The following BCR variants were observed in gnomAD, a reference collection of about 807,000 sequenced individuals.
BCR encodes BCR activator of RhoGEF and GTPase, also known as breakpoint cluster region protein.
Under a neutral mutation model 138.6 loss-of-function variants are expected in BCR, and 58 were observed. The ratio of observed to expected loss-of-function variants is 0.42; its 90% CI spans 0.34 to 0.52. The LOEUF (loss-of-function observed/expected upper bound fraction) is 0.52, where lower values mean the gene tolerates loss of function less well. Ranked by LOEUF, BCR falls within the 20% of genes least tolerant of loss-of-function variation. The pLI is 0.06. For missense variants in BCR, 1,599 were observed against 1,727.2 expected, an observed-to-expected ratio of 0.93 and a Z score of 1.32; for synonymous variants, 786 against 730.1, an observed-to-expected ratio of 1.08 and a Z score of -1.23.
In BCR at chr22:23,264,330, C is replaced by G. The variant is rs891921791; in HGVS notation, c.1752+2790C>G. The G allele has an allele frequency of 4.1e-6, 4 of 985,230 alleles. No individual in the cohort carries two copies. The African/African-American group carries it at 6.3e-5, about 16-fold the overall frequency. 61.0% of individuals were successfully genotyped at this position (985,230 alleles called of 1,614,324 possible). ...TCTCTATGCTGCGCTGTCTTACAACCTCCACGTCCTGGATATTCAAAACCC... is the reference window on the plus strand; with the variant it reads ...TCTCTATGCTGCGCTGTCTTACAACGTCCACGTCCTGGATATTCAAAACCC... On this transcript the variant is annotated intron_variant, in intron 4 of 22. Coordinates refer to ENST00000305877, the MANE Select transcript of BCR (RefSeq NM_004327.4).
intron 1 of BCR, among the ~76,000 whole-genome samples, chr22:23,241,700 G>A (rs546555239): frequency 6.6e-6 from 1 of 152,156 alleles, no homozygotes; most frequent in Non-Finnish European, 1.5e-5. Flanking sequence ...GGCTCACTGT[G>A]CGTCAGTGCC....
At position 23,253,793 on chromosome 22, in the gene BCR, A is replaced by G. The variant is rs1602067107; in HGVS notation, c.1280-6A>G. On this transcript the variant is annotated splice_region_variant and splice_polypyrimidine_tract_variant and intron_variant, in intron 1 of 22. Coordinates refer to ENST00000305877, the MANE Select transcript of BCR (RefSeq NM_004327.4). ...TCTAACACAGGATGCTTCTTTGCAC[A>G]CACAGATGGCTCGTTCGGAACACCA... 1 of 1,608,136 alleles carries G rather than the reference A, an allele frequency of 6.2e-7. No individual in the cohort carries two copies. Among genetic ancestry groups the G allele is most frequent in the East Asian group, 2.2e-5 (1 of 44,734 alleles).
At chr22:23,256,682 C>G (rs1318937449) in intron 2 of BCR, among the ~76,000 whole-genome samples, 2 of 152,166 alleles carry the variant, frequency 1.3e-5, no homozygotes, top group Admixed American at 1.3e-4. Flanking sequence ...CTGGGCTCCC[C>G]CAGATTAGGG....
At chr22:23,233,229 G>A (rs562276204) in intron 1 of BCR, among the ~76,000 whole-genome samples, 40 of 152,328 alleles carry the variant, frequency 2.6e-4, no homozygotes, top group Non-Finnish European at 4.0e-4. Flanking sequence ...CTCGGTTCTT[G>A]GAGCGAGCTT....
intron 9 of BCR, 152 bp from the exon 10 acceptor site, chr22:23,284,881 C>A: frequency 1.2e-6 from 1 of 805,930 alleles, no homozygotes; most frequent in Non-Finnish European, 1.9e-6. Flanking sequence ...CCAGTGGCCT[C>A]ATCCCAGTCT....
At chr22:23,218,971 G>C (rs1250641901) in intron 1 of BCR, among the ~76,000 whole-genome samples, 1 of 152,190 alleles carries the variant, frequency 6.6e-6, no homozygotes, top group African/African-American at 2.4e-5. Flanking sequence ...CGGCCAGCTG[G>C]TGCCGGGTGA....
chr22:23,209,184 C>G (rs1305892950), intron 1 of BCR, among the ~76,000 whole-genome samples: 1 of 151,812 alleles, frequency 6.6e-6, no homozygotes, highest in Admixed American at 6.6e-5. Flanking sequence ...ATCATGAGAC[C>G]CCATCTCTAC....
rs200491524 is a variant in BCR at position 23,240,302 on chromosome 22, C to CGTGTGTGT, written c.1280-13462_1280-13455dup. Among the ~76,000 whole-genome samples the CGTGTGTGT allele has an allele frequency of 8.4e-3, 1,215 of 144,088 alleles. 8 individuals are homozygous for CGTGTGTGT. Among genetic ancestry groups the CGTGTGTGT allele is most frequent in the African/African-American group, 0.019 (718 of 38,638 alleles). 94.5% of individuals were successfully genotyped at this position (144,088 alleles called of 152,430 possible). On this transcript the variant is annotated intron_variant, in intron 1 of 22. Coordinates refer to ENST00000305877, the MANE Select transcript of BCR (RefSeq NM_004327.4). ...TTTTAAATTTCAGAGCCTGGCTGATCGTGTGTGTGTGTGTGTGTGTGTGTG... is the reference window on the plus strand; with the variant it reads ...TTTTAAATTTCAGAGCCTGGCTGATCGTGTGTGTGTGTGTGTGTGTGTGTGTGTGTGTG...
chr22:23,238,674 T>C (rs928062305), intron 1 of BCR, among the ~76,000 whole-genome samples: 9 of 152,136 alleles, frequency 5.9e-5, no homozygotes, highest in Admixed American at 6.5e-5. Flanking sequence ...TGGCCCTGAC[T>C]CAGGCTGGCG....
chr22:23,245,768 C>T (rs1024346978), intron 1 of BCR, among the ~76,000 whole-genome samples: 3 of 151,486 alleles, frequency 2.0e-5, no homozygotes, highest in South Asian at 2.1e-4. Flanking sequence ...AATTATGTTC[C>T]GGGTTCCCTG....
Position 23,214,985 on chromosome 22 carries a change from T to C in BCR, c.1279+32746T>C, listed in dbSNP as rs547246339. ...TACCCATTTATAGCCAGTAAACAAC[T>C]CTCTACTCCCTCCTCCCTCAGCCCC... is the stretch of plus-strand genomic sequence containing the variant. On this transcript the variant is annotated intron_variant, in intron 1 of 22. Coordinates refer to ENST00000305877, the MANE Select transcript of BCR (RefSeq NM_004327.4). 1.9e-3 allele frequency among the ~76,000 whole-genome samples: 293 copies of C among 152,202 alleles called. 2 individuals are homozygous for C. Among genetic ancestry groups the C allele is most frequent in the African/African-American group, 5.3e-3 (220 of 41,528 alleles).
chr22:23,263,320 G>A, intron 4 of BCR: 1 of 1,184,720 alleles, frequency 8.4e-7, no homozygotes, highest in Non-Finnish European at 1.2e-6. Context: ...TTCACCAACT[G>A]CGACCTGCTC....
At chr22:23,182,630 C>T (rs2072286516) in intron 1 of BCR, among the ~76,000 whole-genome samples, 1 of 152,234 alleles carries the variant, frequency 6.6e-6, no homozygotes, top group Non-Finnish European at 1.5e-5. Flanking sequence ...TCTCTAGCGC[C>T]CACATCGGAT....
At position 23,193,781 on chromosome 22, in the gene BCR, C is replaced by T. The variant is rs560100387; in HGVS notation, c.1279+11542C>T. ...GCATTTTGCAGAATGTCTTCTCTCACAGGGGTCCCTGTGGAGGAGTGACAG... is the reference window on the plus strand; with the variant it reads ...GCATTTTGCAGAATGTCTTCTCTCATAGGGGTCCCTGTGGAGGAGTGACAG... On this transcript the variant is annotated intron_variant, in intron 1 of 22. Coordinates refer to ENST00000305877, the MANE Select transcript of BCR (RefSeq NM_004327.4). Among the ~76,000 whole-genome samples the T allele has an allele frequency of 9.2e-5, 14 of 152,374 alleles. No individual in the cohort carries two copies. In the South Asian group the frequency reaches 1.7e-3, roughly 18 times the overall value.
chr22:23,313,394 A>C (rs2074029778), intron 20 of BCR, among the ~76,000 whole-genome samples: 1 of 152,174 alleles, frequency 6.6e-6, no homozygotes, highest in Non-Finnish European at 1.5e-5. Context: ...CCTGACCCTT[A>C]GTCAACCTGG....
chr22:23,215,523 C>T (rs759792921), intron 1 of BCR, among the ~76,000 whole-genome samples: 2 of 152,232 alleles, frequency 1.3e-5, no homozygotes, highest in Admixed American at 6.5e-5. Flanking sequence ...TTTCTGCCAC[C>T]TTCTCTGCCA....
In BCR at chr22:23,180,717, C is replaced by T. The variant is rs1242135209; in HGVS notation, c.-244C>T. 221 of 149,436 alleles carry T rather than the reference C, an allele frequency of 1.5e-3. 1 individual carries two copies. Among genetic ancestry groups the T allele is most frequent in the Non-Finnish European group, 2.7e-3 (179 of 67,330 alleles). 9.3% of individuals were successfully genotyped at this position (149,436 alleles called of 1,614,324 possible). ...GCCCGCGCCTCGCCGTGCGGAGGAG[C>T]CCCGCACACAATAGCGGCGCGCGCA... On this transcript the variant is annotated 5_prime_UTR_variant, in exon 1 of 23. Transcript: ENST00000305877.
Position 23,316,308 on chromosome 22 carries a change from C to T in BCR, c.*786C>T, listed in dbSNP as rs1180098789. On this transcript the variant is annotated 3_prime_UTR_variant, in exon 23 of 23. Coordinates refer to ENST00000305877, the MANE Select transcript of BCR (RefSeq NM_004327.4). ...GGCCCACGCTCTCCTGTTTGGCTTC[C>T]ACAGGCCTGGACTTCTCTGGCTTCT... The T allele has an allele frequency of 1.2e-5, 2 of 160,634 alleles. No individual in the cohort carries two copies. The highest frequency in any genetic ancestry group is 8.4e-5 in the Admixed American group (1 of 11,856). 10.0% of individuals were successfully genotyped at this position (160,634 alleles called of 1,614,324 possible). A position where few individuals can be genotyped will look rare whatever the true frequency, so the allele number is the denominator to read the frequency against.
At chr22:23,211,843 A>G (rs145418832) in intron 1 of BCR, among the ~76,000 whole-genome samples, 1 of 152,242 alleles carries the variant, frequency 6.6e-6, no homozygotes, top group East Asian at 1.9e-4. Context: ...CTCCAGGGGT[A>G]GGGGCTGGTG....
Sources: allele counts gnomAD v4.1 joint callset (sites outside exome capture counted in the v4.1 genomes callset), GRCh38; gene constraint gnomAD v4.1.1; transcripts MANE v1.5; gene names NCBI Gene and HGNC (gene_info 2026-07-23, HGNC 2026-07-21).